PHLPP1: variants seen among roughly 807,000 people sequenced by gnomAD.
PHLPP1 encodes PH domain leucine-rich repeat-containing protein phosphatase 1.
A neutral mutation model predicts 117.2 loss-of-function variants in PHLPP1; 42 were observed. That is an observed-to-expected ratio of 0.36 (90% CI 0.28 to 0.46). The LOEUF (loss-of-function observed/expected upper bound fraction) is 0.46. Among genes scored for constraint, PHLPP1 ranks in the 20% least tolerant of loss-of-function variants. The probability of loss-of-function intolerance (pLI) is 1.00; values close to 1 mark genes in which losing one functional copy is unlikely to be tolerated. For missense variants in PHLPP1, 2,084 were observed against 2,241.9 expected (o/e 0.93, Z 1.42); for synonymous variants, 1,042 against 970.7 (o/e 1.07, Z -1.37).
intron 4 of PHLPP1, among the ~76,000 whole-genome samples, chr18:62,878,001 A>G (rs996519524): frequency 5.3e-5 from 8 of 152,188 alleles, no homozygotes; most frequent in Non-Finnish European, 1.2e-4. Flanking sequence ...GAAGGGAGAG[A>G]GGCTGGTATC....
intron 1 of PHLPP1, among the ~76,000 whole-genome samples, chr18:62,749,730 C>T (rs1199777182): frequency 6.6e-6 from 1 of 152,086 alleles, no homozygotes; most frequent in African/African-American, 2.4e-5. Flanking sequence ...ATAAGAATAC[C>T]AGTCAGGGTT....
chr18:62,923,828 ATGAAAT>A (rs759816756), intron 10 of PHLPP1, among the ~76,000 whole-genome samples: 3 of 152,214 alleles, frequency 2.0e-5, no homozygotes, highest in Non-Finnish European at 4.4e-5. Context: ...CCCGGAAAAC[ATGAAAT>A]TTAAAATATT....
chr18:62,822,125 T>G (rs1914475703), intron 1 of PHLPP1, among the ~76,000 whole-genome samples: 2 of 152,038 alleles, frequency 1.3e-5, no homozygotes, highest in Non-Finnish European at 2.9e-5. Flanking sequence ...AAATTCATCA[T>G]AATCATCTTA....
intron 3 of PHLPP1, among the ~76,000 whole-genome samples, chr18:62,854,435 C>T (rs1011195861): frequency 3.3e-5 from 5 of 152,184 alleles, no homozygotes; most frequent in African/African-American, 9.7e-5. Context: ...CATGGGGATT[C>T]ACCCCTCCTC....
chr18:62,777,032 C>A (rs1000284295), intron 1 of PHLPP1, among the ~76,000 whole-genome samples: 10 of 152,180 alleles, frequency 6.6e-5, no homozygotes, highest in African/African-American at 2.4e-4. Context: ...ATTGGTGTTA[C>A]AAGAGTTTCT....
intron 16 of PHLPP1, among the ~76,000 whole-genome samples, chr18:62,976,221 G>A (rs1283909029): frequency 6.6e-6 from 1 of 152,166 alleles, no homozygotes; most frequent in Non-Finnish European, 1.5e-5. Flanking sequence ...AGCTGGGGCG[G>A]AGAGTGCAAT....
chr18:62,863,117 C>T (rs965978781), intron 4 of PHLPP1, among the ~76,000 whole-genome samples: 3 of 151,546 alleles, frequency 2.0e-5, no homozygotes, highest in Admixed American at 6.6e-5. Context: ...TGGCTTACTC[C>T]ATAGGCAAAG....
intron 1 of PHLPP1, among the ~76,000 whole-genome samples, chr18:62,729,602 G>C (rs540422410): frequency 1.3e-5 from 2 of 152,228 alleles, no homozygotes; most frequent in South Asian, 4.2e-4. Flanking sequence ...TTGAACCAGG[G>C]AGGTGGAGGT....
intron 6 of PHLPP1, among the ~76,000 whole-genome samples, chr18:62,899,155 G>T (rs1048445833): frequency 6.6e-6 from 1 of 152,170 alleles, no homozygotes; most frequent in Admixed American, 6.5e-5. Context: ...GATGTGAGCT[G>T]TGTATGGGTT....
intron 14 of PHLPP1, 146 bp from the exon 15 acceptor site, chr18:62,972,368 C>CTCCA: frequency 1.6e-6 from 1 of 619,660 alleles, no homozygotes; most frequent in Non-Finnish European, 2.7e-6. Context: ...TGGAAATTAG[C>CTCCA]TGGAGTCAGT....
intron 1 of PHLPP1, among the ~76,000 whole-genome samples, chr18:62,789,134 G>A (rs890456587): frequency 6.6e-6 from 1 of 152,170 alleles, no homozygotes; most frequent in Non-Finnish European, 1.5e-5. Context: ...TGAGCACACA[G>A]GGGGTGGGGA....
intron 1 of PHLPP1, among the ~76,000 whole-genome samples, chr18:62,718,424 T>A (rs1395630050): frequency 1.3e-5 from 2 of 152,240 alleles, no homozygotes; most frequent in Non-Finnish European, 2.9e-5. Context: ...TTAGTTTGCA[T>A]GAAGAAATCT....
At chr18:62,848,455 ATT>A (rs56223512) in intron 3 of PHLPP1, among the ~76,000 whole-genome samples, 278 of 88,502 alleles carry the variant, frequency 3.1e-3, no homozygotes, top group African/African-American at 5.4e-3. Context: ...TTTTTTGTTG[ATT>A]TTTTTTTTTT....
At chr18:62,762,851 A>G (rs1912300370) in intron 1 of PHLPP1, among the ~76,000 whole-genome samples, 1 of 152,200 alleles carries the variant, frequency 6.6e-6, no homozygotes, top group African/African-American at 2.4e-5. Context: ...CAAAGGAAAT[A>G]CCTCTATTGC....
At chr18:62,795,244 G>C (rs1250970735) in intron 1 of PHLPP1, among the ~76,000 whole-genome samples, 2 of 152,072 alleles carry the variant, frequency 1.3e-5, no homozygotes, top group Admixed American at 6.5e-5. Context: ...TTGGGAGGCT[G>C]AGGTGGGCGG....
chr18:62,963,098 A>C (rs1910812105), intron 13 of PHLPP1, among the ~76,000 whole-genome samples: 1 of 152,252 alleles, frequency 6.6e-6, no homozygotes, highest in African/African-American at 2.4e-5. Context: ...GAGAGCAGTC[A>C]TCTAAAGTGG....
intron 10 of PHLPP1, among the ~76,000 whole-genome samples, chr18:62,934,430 A>T (rs1315366453): frequency 6.6e-6 from 1 of 152,214 alleles, no homozygotes; most frequent in Non-Finnish European, 1.5e-5. Flanking sequence ...AGCAACATGG[A>T]TGCAGCTGGA....
At chr18:62,766,098 T>A (rs1459927408) in intron 1 of PHLPP1, among the ~76,000 whole-genome samples, 3 of 80,318 alleles carry the variant, frequency 3.7e-5, no homozygotes, top group Non-Finnish European at 5.4e-5. Context: ...TATATATATA[T>A]ATATAAAATA....
chr18:62,974,525 G>A (rs1911135906), intron 15 of PHLPP1, among the ~76,000 whole-genome samples: 1 of 152,160 alleles, frequency 6.6e-6, no homozygotes, highest in African/African-American at 2.4e-5. Context: ...GTACCACTCA[G>A]GAACAGCAGG....
Sources: gnomAD v4.1 joint callset for allele counts (sites outside exome capture counted in the v4.1 genomes callset) on GRCh38, gnomAD v4.1.1 for gene constraint, MANE v1.5 for transcripts, NCBI Gene and HGNC (gene_info 2026-07-23, HGNC 2026-07-21) for gene names.